The following WDR7 variants were observed in gnomAD, a reference collection of about 807,000 sequenced individuals.
WDR7 encodes WD repeat-containing protein 7.
WDR7 carries 46 observed loss-of-function variants against 169.4 expected under a neutral mutation model. That is an observed-to-expected ratio of 0.27 (90% confidence interval 0.21 to 0.35). The LOEUF (loss-of-function observed/expected upper bound fraction) is 0.35. WDR7 is among the 10% of genes least tolerant of loss of function. The probability of loss-of-function intolerance (pLI) is 1.00; values close to 1 mark genes in which losing one functional copy is unlikely to be tolerated. For synonymous variants in WDR7, 612 were observed against 666.8 expected (o/e 0.92, Z 1.27); for missense variants, 1,534 against 1,859.3 (o/e 0.83, Z 3.22).
intron 25 of WDR7, among the ~76,000 whole-genome samples, chr18:56,958,933 A>G (rs1274705899): frequency 6.6e-6 from 1 of 152,192 alleles, no homozygotes; most frequent in Non-Finnish European, 1.5e-5. Context: ...GTATTCATGC[A>G]AAACACAAAG....
At chr18:56,779,331 A>G (rs894644340) in intron 17 of WDR7, 100 bp from the exon 18 acceptor site, 2 of 778,996 alleles carry the variant, frequency 2.6e-6, no homozygotes, top group Non-Finnish European at 2.0e-6. Flanking sequence ...AACTTAGCAG[A>G]TCTGCCTTTT....
intron 19 of WDR7, among the ~76,000 whole-genome samples, chr18:56,785,676 G>A (rs997063938): frequency 6.6e-6 from 1 of 152,014 alleles, no homozygotes; most frequent in Non-Finnish European, 1.5e-5. Context: ...GATTGGGCTG[G>A]GACTAAGATG....
chr18:56,888,534 G>T (rs1349447095), intron 21 of WDR7, among the ~76,000 whole-genome samples: 2 of 152,190 alleles, frequency 1.3e-5, no homozygotes, highest in Non-Finnish European at 2.9e-5. Flanking sequence ...TCTTCTCCAT[G>T]CAGGGATGGC....
intron 26 of WDR7, among the ~76,000 whole-genome samples, chr18:56,996,669 C>A (rs2047903702): frequency 6.6e-6 from 1 of 152,084 alleles, no homozygotes. Context: ...CTAATAGAAC[C>A]CTCAGTGGAG....
intron 19 of WDR7, chr18:56,781,950 A>G (rs1599038824): frequency 5.1e-6 from 1 of 195,996 alleles, no homozygotes; most frequent in Non-Finnish European, 1.0e-5. Context: ...GCCTCCGCCC[A>G]TTGCATTATT....
chr18:56,978,664 T>G (rs956787804), intron 26 of WDR7, among the ~76,000 whole-genome samples: 2 of 152,338 alleles, frequency 1.3e-5, no homozygotes, highest in African/African-American at 4.8e-5. Flanking sequence ...GAGTTCCTTT[T>G]ATGTAAATTC....
chr18:56,951,263 A>C (rs1206274088), intron 25 of WDR7, among the ~76,000 whole-genome samples: 1 of 152,094 alleles, frequency 6.6e-6, no homozygotes, highest in East Asian at 1.9e-4. Context: ...TTCTCTGATA[A>C]TTTCCTATTA....
At chr18:56,913,567 A>G (rs1480127405) in intron 21 of WDR7, among the ~76,000 whole-genome samples, 1 of 150,330 alleles carries the variant, frequency 6.7e-6, no homozygotes. Flanking sequence ...TGGGAGGATC[A>G]CTCAAGCCCA....
At chr18:56,948,223 C>G (rs561905435) in intron 25 of WDR7, among the ~76,000 whole-genome samples, 1 of 152,094 alleles carries the variant, frequency 6.6e-6, no homozygotes, top group Admixed American at 6.5e-5. Context: ...AAGGGGCTTT[C>G]CCCTTCATTT....
At chr18:56,883,515 T>G (rs1370967519) in intron 21 of WDR7, among the ~76,000 whole-genome samples, 2 of 151,970 alleles carry the variant, frequency 1.3e-5, no homozygotes, top group Non-Finnish European at 2.9e-5. Flanking sequence ...TTGTTTTTTT[T>G]TTTTAAATTT....
chr18:56,841,727 T>C (rs1382433076), intron 20 of WDR7, among the ~76,000 whole-genome samples: 1 of 152,150 alleles, frequency 6.6e-6, no homozygotes, highest in Admixed American at 6.6e-5. Context: ...GCAAGAGTCA[T>C]TTGAGGTACA....
At chr18:56,986,863 G>A (rs9965161) in intron 26 of WDR7, among the ~76,000 whole-genome samples, 2 of 151,838 alleles carry the variant, frequency 1.3e-5, no homozygotes, top group Admixed American at 6.6e-5. Context: ...CACAGGATGA[G>A]AGTAGATGCC....
chr18:56,682,462 A>C (rs1429508714), intron 4 of WDR7, among the ~76,000 whole-genome samples: 1 of 152,160 alleles, frequency 6.6e-6, no homozygotes, highest in Admixed American at 6.5e-5. Context: ...TAGGAAAATA[A>C]TTTTTGTTAG....
In WDR7 at chr18:56,891,691, A is replaced by G. The variant is rs185360333; in HGVS notation, c.3526+11526A>G. ...CTATAAACACTCTGAATCCAGATGC[A>G]TTTTTCCCCCAAAGCTCATGCTGTT... On this transcript the variant is annotated intron_variant, in intron 21 of 27. Transcript: ENST00000254442. 3.7e-3 allele frequency among the ~76,000 whole-genome samples: 569 copies of G among 152,106 alleles called. 2 individuals are homozygous for G. Among genetic ancestry groups the G allele is most frequent in the Middle Eastern group, 0.01 (3 of 294 alleles).
chr18:56,679,331 G>T lies in WDR7; in HGVS notation c.160-1G>T. ...AAACTAGCATATTTTTGCATTTCTAGATTAATCCTCGAGCACTGTTGTTTG... is the reference window on the plus strand; with the variant it reads ...AAACTAGCATATTTTTGCATTTCTATATTAATCCTCGAGCACTGTTGTTTG... On this transcript the variant is annotated splice_acceptor_variant, in intron 2 of 27. Transcript: ENST00000254442. LOFTEE classifies it high-confidence loss of function. The T allele has an allele frequency of 6.2e-7, 1 of 1,605,178 alleles. No individual in the cohort carries two copies.
intron 12 of WDR7, chr18:56,699,782 C>G (rs1158076704): frequency 4.1e-6 from 4 of 980,120 alleles, no homozygotes; most frequent in Non-Finnish European, 4.8e-6. Context: ...TATTTGTCTC[C>G]TAACTTAGGT....
At chr18:56,840,945 T>A (rs1001764391) in intron 20 of WDR7, among the ~76,000 whole-genome samples, 1 of 152,064 alleles carries the variant, frequency 6.6e-6, no homozygotes, top group African/African-American at 2.4e-5. Flanking sequence ...ATCCCAGCAC[T>A]TTGAGGGGCC....
intron 12 of WDR7, among the ~76,000 whole-genome samples, chr18:56,711,621 A>AT (rs1242552289): frequency 6.6e-6 from 1 of 152,116 alleles, no homozygotes. Context: ...TAATTATCCA[A>AT]TTAGTTTGTT....
chr18:56,824,661 G>A (rs1448165907), intron 20 of WDR7, among the ~76,000 whole-genome samples: 2 of 152,172 alleles, frequency 1.3e-5, no homozygotes, highest in Non-Finnish European at 2.9e-5. Flanking sequence ...TAACACATTA[G>A]TGAGGTGATG....
Sources: gnomAD v4.1 joint callset for allele counts (sites outside exome capture counted in the v4.1 genomes callset) on GRCh38, gnomAD v4.1.1 for gene constraint, MANE v1.5 for transcripts, NCBI Gene and HGNC (gene_info 2026-07-23, HGNC 2026-07-21) for gene names.